TSPAN1: variants seen among roughly 807,000 people sequenced by gnomAD.
TSPAN1 encodes tetraspanin 1.
Under a neutral mutation model 26.9 loss-of-function variants are expected in TSPAN1, and 23 were observed. The ratio of observed to expected loss-of-function variants is 0.85; its 90% CI spans 0.62 to 1.21. TSPAN1 has a LOEUF of 1.21. TSPAN1 is among the 50% of genes most tolerant of loss of function. The probability of loss-of-function intolerance (pLI) is 0.00; values close to 1 mark genes in which losing one functional copy is unlikely to be tolerated. For missense variants in TSPAN1, 283 were observed against 298.4 expected (o/e 0.95, Z 0.38); for synonymous variants, 115 against 114.8 (o/e 1.00, Z -0.01).
At chr1:46,177,780 T>C (rs1387909404) in intron 1 of TSPAN1, among the ~76,000 whole-genome samples, 1 of 152,210 alleles carries the variant, frequency 6.6e-6, no homozygotes, top group Admixed American at 6.5e-5. Context: ...AGTACTGGTT[T>C]GGGAATTACA....
chr1:46,189,718 G>A, downstream of TSPAN1: 2 of 1,548,742 alleles, frequency 1.3e-6, no homozygotes, highest in Non-Finnish European at 1.8e-6. Flanking sequence ...TGGACAAGGA[G>A]GTTGGAAGAG....
downstream of TSPAN1, among the ~76,000 whole-genome samples, chr1:46,187,055 G>C (rs966200176): frequency 2.6e-5 from 4 of 152,166 alleles, no homozygotes; most frequent in African/African-American, 9.7e-5. Context: ...TGATCCACAT[G>C]CCTCAGCCTC....
chr1:46,188,563 C>G, downstream of TSPAN1: 1 of 1,348,432 alleles, frequency 7.4e-7, no homozygotes, highest in Non-Finnish European at 9.8e-7. Context: ...CAAATGGCCC[C>G]AAATGGAAGA....
chr1:46,191,617 C>A, the TSPAN1 span: 1 of 233,858 alleles, frequency 4.3e-6, no homozygotes, highest in South Asian at 6.2e-5. Flanking sequence ...ATATCGTAAC[C>A]CAGTGAGGTA....
the TSPAN1 span, chr1:46,191,142 G>A: frequency 8.6e-6 from 3 of 348,258 alleles, no homozygotes; most frequent in African/African-American, 4.3e-5. Context: ...GGACGGGCTG[G>A]GCTGGGAAGG....
the TSPAN1 span, chr1:46,195,919 G>A: frequency 1.6e-5 from 26 of 1,613,970 alleles, no homozygotes; most frequent in African/African-American, 2.4e-4. Flanking sequence ...TTGCCATCAC[G>A]TGGCCCTGGC....
downstream of TSPAN1, chr1:46,188,796 T>C (rs1421499710): frequency 6.2e-7 from 1 of 1,612,794 alleles, no homozygotes; most frequent in Non-Finnish European, 8.5e-7. Context: ...TCTGAGTGAG[T>C]CTGTGTCAGC....
chr1:46,184,464 G>C, intron 4 of TSPAN1, 67 bp downstream of exon 4: 1 of 1,611,014 alleles, frequency 6.2e-7, no homozygotes, highest in Admixed American at 1.7e-5. Flanking sequence ...CAGGCCCTGG[G>C]ATTCCCAAAC....
downstream of TSPAN1, chr1:46,189,876 G>A: frequency 6.2e-7 from 1 of 1,613,924 alleles, no homozygotes; most frequent in Non-Finnish European, 8.5e-7. Context: ...GGTCCAGGTG[G>A]TGAAGTCATC....
chr1:46,193,222 G>A, the TSPAN1 span: 4 of 1,614,200 alleles, frequency 2.5e-6, no homozygotes, highest in East Asian at 8.9e-5. Context: ...AGTGCTGGGA[G>A]TGGGGTGGGA....
intron 1 of TSPAN1, among the ~76,000 whole-genome samples, chr1:46,176,805 T>C (rs1365005704): frequency 6.6e-6 from 1 of 152,254 alleles, no homozygotes; most frequent in Non-Finnish European, 1.5e-5. Flanking sequence ...CTGAGCACTT[T>C]ACCAACGTTA....
At chr1:46,189,274 G>A (rs377760450), downstream of TSPAN1, 27 of 1,613,378 alleles carry the variant, frequency 1.7e-5, no homozygotes, top group African/African-American at 3.5e-4. Context: ...GAGGTCTCAT[G>A]TCTGTTCTGG....
At chr1:46,193,712 G>T in the TSPAN1 span, 10 of 1,608,108 alleles carry the variant, frequency 6.2e-6, no homozygotes, top group Non-Finnish European at 8.5e-6. Context: ...TTACAGCTGG[G>T]CCCAGAGTCC....
chr1:46,176,498 C>CT, intron 1 of TSPAN1: 1 of 1,533,632 alleles, frequency 6.5e-7, no homozygotes, highest in Non-Finnish European at 8.7e-7. Flanking sequence ...TGCAGTGTGC[C>CT]TGGGGGGTGC....
rs141816531 is a variant in TSPAN1, at chr1:46,179,964, A to AGTGTGTGTGT, written c.-141-547_-141-538dup. ...GAGAGACAGAGAAAGAGAAAGAGGG[A>AGTGTGTGTGT]GTGTGTGTGTGTGTGTGTGTGTGTT... On this transcript the variant is annotated intron_variant, in intron 1 of 8. Transcript: ENST00000372003. Among the ~76,000 whole-genome samples, 420 of 146,884 alleles carry AGTGTGTGTGT rather than the reference A, an allele frequency of 2.9e-3. 5 individuals carry two copies. The Middle Eastern group carries it at 0.042, about 15-fold the overall frequency.
At chr1:46,176,171 A>T in intron 1 of TSPAN1, 1 of 1,527,228 alleles carries the variant, frequency 6.5e-7, no homozygotes, top group Non-Finnish European at 8.8e-7. Context: ...CACCGCACCC[A>T]GCCTAGTGGC....
In TSPAN1 at chr1:46,184,971, T is replaced by C; in HGVS notation, c.450T>C (p.Cys150=). ...CATCTTGTCTCCAGCTCAAGTGCTG[T>C]GGCTTCACCAACTATACGGATTTTG... The part of the protein sequence containing the change: ...WNTTMKGLKC[C]GFTNYTDFED... The change falls in exon 7 of 9, where the codon TGT becomes TGC. Residue 150 remains cysteine, a synonymous_variant. Coordinates refer to ENST00000372003, the MANE Select transcript of TSPAN1 (RefSeq NM_005727.4). 1.2e-6 allele frequency: 2 copies of C among 1,614,242 alleles called. No individual in the cohort carries two copies. Among genetic ancestry groups the C allele is most frequent in the Non-Finnish European group, 1.7e-6 (2 of 1,180,046 alleles).
intron 1 of TSPAN1, among the ~76,000 whole-genome samples, chr1:46,177,335 CAA>C (rs200620983): frequency 2.5e-4 from 34 of 138,036 alleles, no homozygotes; most frequent in South Asian, 9.1e-4. Context: ...AACTCTGTCT[CAA>C]AAAAAAAAAA....
At chr1:46,176,228 C>T (rs1379661925) in intron 1 of TSPAN1, 1 of 1,535,598 alleles carries the variant, frequency 6.5e-7, no homozygotes, top group East Asian at 2.4e-5. Context: ...CCTGGCTAAC[C>T]TTGAGGTGGG....
Sources: gnomAD v4.1 joint callset for allele counts (sites outside exome capture counted in the v4.1 genomes callset) on GRCh38, gnomAD v4.1.1 for gene constraint, MANE v1.5 for transcripts, NCBI Gene and HGNC (gene_info 2026-07-23, HGNC 2026-07-21) for gene names.